Variants in LINGO2 observed in about 807,000 individuals in gnomAD.
LINGO2 encodes the protein leucine-rich repeat and immunoglobulin-like domain-containing nogo receptor-interacting protein 2.
LINGO2 carries 14 observed loss-of-function variants against 30.6 expected under a neutral mutation model. The ratio of observed to expected loss-of-function variants is 0.46; its 90% CI spans 0.30 to 0.72. The LOEUF is 0.72. Ranked by LOEUF, LINGO2 falls within the 30% of genes least tolerant of loss-of-function variation. The pLI is 0.07. For missense variants in LINGO2, 729 were observed against 751.7 expected, an observed-to-expected ratio of 0.97 and a Z score of 0.35; for synonymous variants, 317 against 288.5, an observed-to-expected ratio of 1.10 and a Z score of -1.00.
intron 5 of LINGO2, among the ~76,000 whole-genome samples, chr9:27,987,298 C>G (rs1364267681): frequency 6.6e-6 from 1 of 151,678 alleles, no homozygotes; most frequent in African/African-American, 2.4e-5. Flanking sequence ...TCTTTCCTTC[C>G]TCTCTTCCTT....
At chr9:28,902,454 C>T in the LINGO2 span, among the ~76,000 whole-genome samples, 18 of 152,092 alleles carry the variant, frequency 1.2e-4, no homozygotes, top group Non-Finnish European at 2.2e-4. Flanking sequence ...GATTTCATTA[C>T]CTCACTTTAA....
At chr9:28,195,098 GGGGAAA>G (rs1268828765) in intron 4 of LINGO2, among the ~76,000 whole-genome samples, 1 of 151,834 alleles carries the variant, frequency 6.6e-6, no homozygotes, top group Non-Finnish European at 1.5e-5. Flanking sequence ...TTGAAATTAA[GGGGAAA>G]ATACTCTATT....
At chr9:28,527,977 T>A (rs1340333121) in intron 1 of LINGO2, among the ~76,000 whole-genome samples, 5 of 152,214 alleles carry the variant, frequency 3.3e-5, no homozygotes, top group Admixed American at 6.5e-5. Flanking sequence ...TGCAACTTAC[T>A]AGTTCCAAAC....
At chr9:28,604,090 T>C (rs938356760) in intron 1 of LINGO2, among the ~76,000 whole-genome samples, 4 of 152,024 alleles carry the variant, frequency 2.6e-5, no homozygotes, top group Non-Finnish European at 5.9e-5. Context: ...CAGTATGACT[T>C]TCTATATATG....
At chr9:28,392,557 C>A (rs1261573518) in intron 2 of LINGO2, among the ~76,000 whole-genome samples, 3 of 152,140 alleles carry the variant, frequency 2.0e-5, no homozygotes, top group Admixed American at 2.0e-4. Flanking sequence ...ACCTTCCATG[C>A]TCTCTTCAGT....
At chr9:28,143,267 T>C (rs886243607) in intron 4 of LINGO2, among the ~76,000 whole-genome samples, 3 of 152,174 alleles carry the variant, frequency 2.0e-5, no homozygotes, top group African/African-American at 7.2e-5. Flanking sequence ...GCTGCATTTA[T>C]TGAATAGTCC....
At chr9:28,514,495 T>C (rs559122824) in intron 1 of LINGO2, among the ~76,000 whole-genome samples, 6 of 152,318 alleles carry the variant, frequency 3.9e-5, no homozygotes, top group East Asian at 1.9e-4. Context: ...ATTGCTGATA[T>C]AGAGAAAGTT....
intron 4 of LINGO2, among the ~76,000 whole-genome samples, chr9:28,157,550 A>G (rs13294724): frequency 0.24 from 35,830 of 152,118 alleles, 4,233 homozygotes; most frequent in African/African-American, 0.26. Context: ...GCTCCTTGTT[A>G]CTTATGCAGA....
intron 1 of LINGO2, among the ~76,000 whole-genome samples, chr9:28,514,039 T>C (rs996217287): frequency 1.3e-5 from 2 of 152,224 alleles, no homozygotes; most frequent in African/African-American, 4.8e-5. Flanking sequence ...ATTATATCTG[T>C]TATGGTGATC....
At chr9:27,945,728 C>A (rs1235206884), downstream of LINGO2, among the ~76,000 whole-genome samples, 2 of 152,026 alleles carry the variant, frequency 1.3e-5, no homozygotes, top group Non-Finnish European at 2.9e-5. Flanking sequence ...ATTCATTAAC[C>A]CTTTTGTGAA....
intron 4 of LINGO2, among the ~76,000 whole-genome samples, chr9:28,027,784 G>A (rs971512042): frequency 6.6e-6 from 1 of 152,142 alleles, no homozygotes; most frequent in Non-Finnish European, 1.5e-5. Flanking sequence ...TTCTAGCCCT[G>A]GCCTTAAGGA....
chr9:28,421,101 AC>A (rs1466686198), intron 2 of LINGO2, among the ~76,000 whole-genome samples: 2 of 152,050 alleles, frequency 1.3e-5, no homozygotes, highest in Non-Finnish European at 2.9e-5. Flanking sequence ...ATACAGTAGA[AC>A]AAAGAAACAA....
chr9:29,157,203 C>G, the LINGO2 span, among the ~76,000 whole-genome samples: 1 of 152,242 alleles, frequency 6.6e-6, no homozygotes, highest in African/African-American at 2.4e-5. Flanking sequence ...CAGTGCCTTT[C>G]CAATATATTT....
At chr9:27,983,976 T>A (rs900790845) in intron 5 of LINGO2, among the ~76,000 whole-genome samples, 2 of 151,666 alleles carry the variant, frequency 1.3e-5, no homozygotes, top group Admixed American at 1.3e-4. Context: ...AGTGGAAGAA[T>A]GACAGAAAAG....
At chr9:28,281,186 A>C (rs545116258) in intron 4 of LINGO2, among the ~76,000 whole-genome samples, 6 of 152,206 alleles carry the variant, frequency 3.9e-5, no homozygotes, top group Non-Finnish European at 5.9e-5. Context: ...CCTAAAGCAC[A>C]CTGTAAATGT....
At chr9:28,355,237 C>G (rs1261022245) in intron 3 of LINGO2, among the ~76,000 whole-genome samples, 1 of 141,324 alleles carries the variant, frequency 7.1e-6, no homozygotes, top group African/African-American at 2.6e-5. Flanking sequence ...GTCTCTATCT[C>G]TCTCTGTCTC....
intron 4 of LINGO2, among the ~76,000 whole-genome samples, chr9:28,224,148 T>TCTGC: frequency 6.6e-6 from 1 of 152,272 alleles, no homozygotes; most frequent in South Asian, 2.1e-4. Flanking sequence ...CACTGCAAGC[T>TCTGC]CTGCCTCTCG....
intron 4 of LINGO2, among the ~76,000 whole-genome samples, chr9:28,097,878 A>AT (rs1332351270): frequency 6.6e-6 from 1 of 151,526 alleles, no homozygotes; most frequent in Non-Finnish European, 1.5e-5. Context: ...CCTCTTAAAA[A>AT]AAATTGAAGG....
At chr9:29,204,510 A>C in the LINGO2 span, among the ~76,000 whole-genome samples, 1 of 152,220 alleles carries the variant, frequency 6.6e-6, no homozygotes, top group Non-Finnish European at 1.5e-5. Flanking sequence ...CAAAAGAGGT[A>C]CCCAATAAAC....
Sources: allele counts gnomAD v4.1 joint callset (sites outside exome capture counted in the v4.1 genomes callset), GRCh38; gene constraint gnomAD v4.1.1; transcripts MANE v1.5; gene names NCBI Gene and HGNC (gene_info 2026-07-23, HGNC 2026-07-21).